ATXN7L1: variants seen among roughly 807,000 people sequenced by gnomAD.
ATXN7L1 encodes the protein ataxin 7 like 1.
ATXN7L1 carries 15 observed loss-of-function variants against 70.8 expected under a neutral mutation model. The observed-to-expected ratio is 0.21, with a 90% CI of 0.14 to 0.33. ATXN7L1 has a LOEUF of 0.33. ATXN7L1 is among the 10% of genes least tolerant of loss of function. The pLI, the probability that ATXN7L1 is intolerant of heterozygous loss-of-function variation, is 1.00. For synonymous variants in ATXN7L1, 440 were observed against 445.1 expected (o/e 0.99, Z 0.14); for missense variants, 975 against 1,097.1 (o/e 0.89, Z 1.57).
intron 7 of ATXN7L1, among the ~76,000 whole-genome samples, chr7:105,633,826 G>A (rs1044754970): frequency 9.2e-5 from 14 of 152,104 alleles, no homozygotes; most frequent in African/African-American, 3.4e-4. Flanking sequence ...GGAGATGAGT[G>A]GAAGATTCCT....
At chr7:105,847,266 TG>T (rs1814193530) in intron 2 of ATXN7L1, among the ~76,000 whole-genome samples, 2 of 152,150 alleles carry the variant, frequency 1.3e-5, no homozygotes, top group Non-Finnish European at 2.9e-5. Flanking sequence ...CTTGGCTTGA[TG>T]GGTGAGAACA....
At chr7:105,861,030 G>A (rs1406501291) in intron 2 of ATXN7L1, among the ~76,000 whole-genome samples, 5 of 152,110 alleles carry the variant, frequency 3.3e-5, no homozygotes, top group Admixed American at 6.6e-5. Flanking sequence ...TGGCCCGAGC[G>A]GCAGGGTGGC....
At chr7:105,851,434 G>T (rs1307031923) in intron 2 of ATXN7L1, among the ~76,000 whole-genome samples, 1 of 23,716 alleles carries the variant, frequency 4.2e-5, no homozygotes, top group Non-Finnish European at 7.2e-5. Flanking sequence ...GTCTTTCTCT[G>T]TATCTCTGTC....
intron 2 of ATXN7L1, among the ~76,000 whole-genome samples, chr7:105,814,006 C>T (rs368387219): frequency 6.6e-6 from 1 of 152,164 alleles, no homozygotes; most frequent in South Asian, 2.1e-4. Context: ...CTTTCTTCCT[C>T]TCTTCCTCCA....
intron 2 of ATXN7L1, among the ~76,000 whole-genome samples, chr7:105,867,666 A>G (rs933080440): frequency 6.6e-6 from 1 of 152,266 alleles, no homozygotes; most frequent in Non-Finnish European, 1.5e-5. Flanking sequence ...TCTGCTGAGT[A>G]ATCGACAAGG....
chr7:105,694,485 C>T (rs1388839269), intron 3 of ATXN7L1, among the ~76,000 whole-genome samples: 4 of 152,084 alleles, frequency 2.6e-5, no homozygotes, highest in Non-Finnish European at 5.9e-5. Flanking sequence ...GTGGGAAGGG[C>T]GGCTATTATT....
At chr7:105,734,165 G>A (rs1797127222) in intron 3 of ATXN7L1, among the ~76,000 whole-genome samples, 1 of 151,590 alleles carries the variant, frequency 6.6e-6, no homozygotes, top group Non-Finnish European at 1.5e-5. Flanking sequence ...TGTAAACATG[G>A]GTTTGAGACC....
chr7:105,781,252 A>C (rs200154169), intron 3 of ATXN7L1, among the ~76,000 whole-genome samples: 12 of 146,896 alleles, frequency 8.2e-5, no homozygotes, highest in South Asian at 6.5e-4. Context: ...AGGACCCCCC[A>C]AAAAATCCTA....
chr7:105,684,132 C>T (rs922412393), intron 3 of ATXN7L1, among the ~76,000 whole-genome samples: 2 of 152,104 alleles, frequency 1.3e-5, no homozygotes, highest in African/African-American at 4.8e-5. Flanking sequence ...TGGCACCTCC[C>T]GAGTTCAGTC....
intron 3 of ATXN7L1, among the ~76,000 whole-genome samples, chr7:105,703,220 G>A (rs1792701911): frequency 1.3e-5 from 2 of 151,314 alleles, no homozygotes; most frequent in Non-Finnish European, 2.9e-5. Context: ...AGGGAGAATC[G>A]CTTGAACCCA....
chr7:105,816,409 G>A lies in ATXN7L1; in HGVS notation c.251-27701C>T, dbSNP rs547491875. 5.7e-3 allele frequency among the ~76,000 whole-genome samples: 874 copies of A among 152,276 alleles called. 4 individuals are homozygous for A. The highest frequency in any genetic ancestry group is 9.1e-3 in the Non-Finnish European group (616 of 68,008). ...TTATAGACACTAGCTTTTAATAGGC[G>A]AAATGGGGTGACAGAGCAACTTAAA... On this transcript the variant is annotated intron_variant, in intron 2 of 11. Transcript: ENST00000419735.
At chr7:105,789,641 T>C (rs903529234) in intron 2 of ATXN7L1, among the ~76,000 whole-genome samples, 2 of 152,084 alleles carry the variant, frequency 1.3e-5, no homozygotes, top group African/African-American at 4.8e-5. Context: ...GAGGGAGTCT[T>C]GGCGCCTCTT....
intron 2 of ATXN7L1, among the ~76,000 whole-genome samples, chr7:105,874,259 G>T (rs1408332747): frequency 6.6e-6 from 1 of 152,120 alleles, no homozygotes; most frequent in African/African-American, 2.4e-5. Context: ...GCATCACCCA[G>T]ACCTGAGAGG....
chr7:105,684,325 A>C (rs1052563771), intron 3 of ATXN7L1, among the ~76,000 whole-genome samples: 7 of 152,100 alleles, frequency 4.6e-5, no homozygotes, highest in African/African-American at 1.4e-4. Flanking sequence ...TGACTTCTTA[A>C]ACTATTCTTT....
At chr7:105,804,356 T>C (rs945128675) in intron 2 of ATXN7L1, among the ~76,000 whole-genome samples, 9 of 152,092 alleles carry the variant, frequency 5.9e-5, no homozygotes, top group Non-Finnish European at 1.0e-4. Flanking sequence ...CATGTGCATG[T>C]ATGGGTGAAG....
intron 9 of ATXN7L1, among the ~76,000 whole-genome samples, chr7:105,616,111 T>G (rs141781685): frequency 9.8e-5 from 15 of 152,374 alleles, no homozygotes; most frequent in African/African-American, 3.6e-4. Flanking sequence ...GGGAAATCAT[T>G]TTCACTGTAG....
chr7:105,690,415 C>T (rs1307243775), intron 3 of ATXN7L1, among the ~76,000 whole-genome samples: 1 of 152,186 alleles, frequency 6.6e-6, no homozygotes, highest in East Asian at 1.9e-4. Flanking sequence ...GTCACATTTA[C>T]CACCTTGGAA....
chr7:105,801,983 C>T (rs898621988), intron 2 of ATXN7L1, among the ~76,000 whole-genome samples: 2 of 152,106 alleles, frequency 1.3e-5, no homozygotes, highest in Non-Finnish European at 2.9e-5. Flanking sequence ...AATTTAGGTC[C>T]GGGGAAGGTT....
chr7:105,875,686 G>C (rs145314435), intron 2 of ATXN7L1, 126 bp downstream of exon 2: 12,195 of 594,820 alleles, frequency 0.021, 147 homozygotes, highest in East Asian at 0.059. Flanking sequence ...GTAGTCACCT[G>C]GGCGTGCTCA....
Sources: gnomAD v4.1 joint callset for allele counts (sites outside exome capture counted in the v4.1 genomes callset) on GRCh38, gnomAD v4.1.1 for gene constraint, MANE v1.5 for transcripts, NCBI Gene and HGNC (gene_info 2026-07-23, HGNC 2026-07-21) for gene names.